Variants in OTOGL observed in about 807,000 individuals in gnomAD.
The protein encoded by OTOGL is otogelin like.
In OTOGL, 285 loss-of-function variants were observed where a neutral mutation model predicts 318.5. The ratio of observed to expected loss-of-function variants is 0.89; its 90% CI spans 0.81 to 0.99. The LOEUF (loss-of-function observed/expected upper bound fraction) is 0.99. Ranked by LOEUF, OTOGL falls within the 50% of genes least tolerant of loss-of-function variation. The probability of loss-of-function intolerance (pLI) is 0.00; values close to 1 mark genes in which losing one functional copy is unlikely to be tolerated. For synonymous variants in OTOGL, 987 were observed against 936.5 expected (o/e 1.05, Z -0.99); for missense variants, 2,899 against 2,845.6 (o/e 1.02, Z -0.43).
rs374416696 is a variant in OTOGL, at chr12:80,328,304, G to A, written c.4200-361G>A. Among the ~76,000 whole-genome samples the A allele has an allele frequency of 1.6e-4, 23 of 142,370 alleles. No homozygotes were observed. In the East Asian group the frequency reaches 4.1e-3, roughly 26 times the overall value. The allele number at this position is 142,370 out of a possible 152,430, so 93.4% of individuals were successfully genotyped here. Reference sequence around the variant, plus strand: ...ACTACACTGCAGCCTGGGTGACAGAGTGAGACCCTGTCACAAACAACAACA... The same window carrying A: ...ACTACACTGCAGCCTGGGTGACAGAATGAGACCCTGTCACAAACAACAACA... On this transcript the variant is annotated intron_variant, in intron 35 of 58. Transcript: ENST00000547103.
intron 55 of OTOGL, among the ~76,000 whole-genome samples, chr12:80,369,717 CTTAA>C (rs1360423549): frequency 6.6e-6 from 1 of 151,788 alleles, no homozygotes; most frequent in Non-Finnish European, 1.5e-5. Flanking sequence ...AGAGAATGGC[CTTAA>C]TTAATTTAAA....
intron 1 of OTOGL, among the ~76,000 whole-genome samples, chr12:80,111,167 G>C (rs998061101): frequency 1.3e-5 from 2 of 152,114 alleles, no homozygotes; most frequent in Non-Finnish European, 2.9e-5. Context: ...TTGTCAGATG[G>C]ATAGATTGCA....
rs146864947 is a variant in OTOGL at position 80,160,333 on chromosome 12, T to A, written c.-19-49080T>A. ...AAAGAGTGGAAGAAAATCTTCACAA[T>A]TTATACATCCAACAAAGGACTAATA... On this transcript the variant is annotated intron_variant, in intron 1 of 58. Coordinates refer to ENST00000547103, the MANE Select transcript of OTOGL (RefSeq NM_001378609.3). Among the ~76,000 whole-genome samples, 429 of 152,092 alleles carry A rather than the reference T, an allele frequency of 2.8e-3. 2 individuals carry two copies. Among genetic ancestry groups the A allele is most frequent in the Non-Finnish European group, 4.9e-3 (331 of 67,938 alleles).
Position 80,257,847 on chromosome 12 carries a change from G to C in OTOGL, c.1734G>C (p.Leu578=). The C allele has an allele frequency of 6.3e-7, 1 of 1,581,822 alleles. No individual in the cohort carries two copies. Among genetic ancestry groups the C allele is most frequent in the Non-Finnish European group, 8.5e-7 (1 of 1,172,212 alleles). Residue 578 remains leucine (L), a synonymous_variant, in exon 18 of 59, where the codon CTG becomes CTC. Coordinates refer to ENST00000547103, the MANE Select transcript of OTOGL (RefSeq NM_001378609.3). ...NLNGIVEIQT[L]SSLFILLKTT... ...CAGGTATTGTTGAAATTCAAACTCT[G>C]TCATCCTTATTTATACTTCTAAAAA... is the stretch of plus-strand genomic sequence containing the variant.
At chr12:80,316,820 C>T (rs1250297330) in intron 32 of OTOGL, among the ~76,000 whole-genome samples, 2 of 152,110 alleles carry the variant, frequency 1.3e-5, no homozygotes, top group African/African-American at 4.8e-5. Context: ...TTTGTTTCAT[C>T]CCAAATAAAT....
chr12:80,358,186 C>G, intron 49 of OTOGL, 62 bp from the exon 50 acceptor site: 1 of 1,058,926 alleles, frequency 9.4e-7, no homozygotes, highest in Non-Finnish European at 1.4e-6. Context: ...GTAATTTAAA[C>G]TCATATTATA....
chr12:80,189,715 C>G (rs1417333253), intron 1 of OTOGL, among the ~76,000 whole-genome samples: 2 of 152,136 alleles, frequency 1.3e-5, no homozygotes, highest in African/African-American at 4.8e-5. Flanking sequence ...AATATGCAGG[C>G]TAAGTTTGAG....
intron 44 of OTOGL, among the ~76,000 whole-genome samples, chr12:80,347,309 C>T (rs1462411442): frequency 6.6e-6 from 1 of 152,050 alleles, no homozygotes; most frequent in African/African-American, 2.4e-5. Context: ...TCCCCCACCC[C>T]CCGACGGGTT....
chr12:80,279,785 T>C (rs1421476478), intron 26 of OTOGL, among the ~76,000 whole-genome samples: 3 of 151,802 alleles, frequency 2.0e-5, no homozygotes, highest in African/African-American at 7.2e-5. Flanking sequence ...GAATGATTTA[T>C]ATTCCTTTGG....
intron 22 of OTOGL, 68 bp downstream of exon 22, chr12:80,267,395 A>G (rs895134830): frequency 8.6e-6 from 6 of 694,500 alleles, no homozygotes; most frequent in African/African-American, 7.9e-5. Context: ...TTTCTTTTAT[A>G]TATATATATA....
rs748682393 is a variant in OTOGL at position 80,219,801 on chromosome 12, T to C, written c.236-13T>C. On this transcript the variant is annotated splice_polypyrimidine_tract_variant and intron_variant, in intron 5 of 58. Transcript: ENST00000547103. ...ATGCCAGAAGATAACTTTTTTTTTT[T>C]TTTCCCCCTCAGGTTCTTGTCCTTA... is the stretch of plus-strand genomic sequence containing the variant. The C allele has an allele frequency of 6.6e-6, 10 of 1,520,560 alleles. No homozygotes were observed. The highest frequency in any genetic ancestry group is 2.8e-5 in the African/African-American group (2 of 72,180). The allele number at this position is 1,520,560 out of a possible 1,614,324, so 94.2% of individuals were successfully genotyped here. A position where few individuals can be genotyped will look rare whatever the true frequency, so the allele number is the denominator to read the frequency against.
chr12:80,204,447 A>G (rs1446892709), intron 1 of OTOGL, among the ~76,000 whole-genome samples: 1 of 152,204 alleles, frequency 6.6e-6, no homozygotes, highest in East Asian at 1.9e-4. Context: ...AGTTTAAATA[A>G]TTGGATCCAA....
rs1323398729 is a variant in OTOGL, at chr12:80,353,356, A to G, written c.5439A>G (p.Gln1813=). The change falls in exon 46 of 59, where the codon CAA becomes CAG. Residue 1813 remains glutamine (Q), a synonymous_variant. Coordinates refer to ENST00000547103, the MANE Select transcript of OTOGL (RefSeq NM_001378609.3). ...SLSCPEGKEY[Q]PCVRPCEART... ...GTTGCCCAGAGGGGAAGGAATATCA[A>G]CCCTGTGTGCGACCTTGTGAAGCAA... 1 of 1,593,676 alleles carries G rather than the reference A, an allele frequency of 6.3e-7. No homozygotes were observed. The highest frequency in any genetic ancestry group is 1.7e-5 in the Admixed American group (1 of 57,636).
At chr12:80,294,271 A>G (rs1012702831) in intron 26 of OTOGL, among the ~76,000 whole-genome samples, 3 of 152,036 alleles carry the variant, frequency 2.0e-5, no homozygotes, top group Non-Finnish European at 2.9e-5. Context: ...AAATTGTAAG[A>G]CAAAGCATAC....
At chr12:80,213,264 G>C (rs1877410101) in intron 4 of OTOGL, among the ~76,000 whole-genome samples, 1 of 152,200 alleles carries the variant, frequency 6.6e-6, no homozygotes, top group Non-Finnish European at 1.5e-5. Context: ...TCATGGCGTT[G>C]GTGGGAGTGT....
Position 80,370,643 on chromosome 12 carries a change from A to T in OTOGL, c.6689A>T (p.Asn2230Ile), listed in dbSNP as rs781726062. Reference sequence around the variant, plus strand: ...ACTGATGAAGGAGCAATAATTCTGAACTACACAATGGTCTGTCCCCCTTTT... The same window carrying T: ...ACTGATGAAGGAGCAATAATTCTGATCTACACAATGGTCTGTCCCCCTTTT... ...VKTDEGAIILNYTMVCPPFNE... is the reference protein window; with the variant it reads ...VKTDEGAIILIYTMVCPPFNE... The change falls in exon 56 of 59, where the codon AAC becomes ATC. Residue 2230 changes from asparagine to isoleucine, a missense_variant. Asn to Ile is a moderately radical substitution (Grantham distance 149, BLOSUM62 -3). Coordinates refer to ENST00000547103, the MANE Select transcript of OTOGL (RefSeq NM_001378609.3). The T allele has an allele frequency of 4.4e-6, 7 of 1,597,156 alleles. No homozygotes were observed. Among genetic ancestry groups the T allele is most frequent in the Middle Eastern group, 1.7e-4 (1 of 6,008 alleles).
At chr12:80,282,905 C>G (rs948900773) in intron 26 of OTOGL, among the ~76,000 whole-genome samples, 1 of 151,830 alleles carries the variant, frequency 6.6e-6, no homozygotes. Flanking sequence ...TACATAAGCC[C>G]CCACTCAGAG....
intron 1 of OTOGL, chr12:80,208,209 A>G (rs1284134388): frequency 1.9e-6 from 1 of 518,016 alleles, no homozygotes; most frequent in Non-Finnish European, 3.9e-6. Context: ...GGCAATGGAA[A>G]GGAATTATGG....
At chr12:80,226,219 C>CACACACTT (rs1878836456) in intron 7 of OTOGL, among the ~76,000 whole-genome samples, 1 of 150,516 alleles carries the variant, frequency 6.6e-6, no homozygotes. Context: ...CACACACACA[C>CACACACTT]ACACTTCCCT....
Sources: gnomAD v4.1 joint callset for allele counts (sites outside exome capture counted in the v4.1 genomes callset) on GRCh38, gnomAD v4.1.1 for gene constraint, MANE v1.5 for transcripts, NCBI Gene and HGNC (gene_info 2026-07-23, HGNC 2026-07-21) for gene names.